The following DIAPH3 variants were observed in gnomAD, a reference collection of about 807,000 sequenced individuals.
DIAPH3 encodes the protein diaphanous related formin 3, also known as protein diaphanous homolog 3.
A neutral mutation model predicts 144.3 loss-of-function variants in DIAPH3; 117 were observed. The observed-to-expected ratio is 0.81, with a 90% CI of 0.70 to 0.95. The LOEUF (loss-of-function observed/expected upper bound fraction) is 0.95. DIAPH3 is among the 40% of genes least tolerant of loss of function. DIAPH3 has a pLI of 0.00. For missense variants in DIAPH3, 1,421 were observed against 1,412.7 expected, an observed-to-expected ratio of 1.01 and a Z score of -0.09; for synonymous variants, 519 against 488.9, an observed-to-expected ratio of 1.06 and a Z score of -0.81.
At chr13:59,714,633 A>G (rs545813139) in intron 27 of DIAPH3, among the ~76,000 whole-genome samples, 7 of 152,272 alleles carry the variant, frequency 4.6e-5, no homozygotes, top group African/African-American at 1.4e-4. Context: ...CTCTAATAAG[A>G]TGCCACATCC....
chr13:59,853,341 T>A lies in DIAPH3; in HGVS notation c.2737+8066A>T, dbSNP rs139593150. Among the ~76,000 whole-genome samples the A allele has an allele frequency of 4.6e-5, 7 of 152,344 alleles. No individual in the cohort carries two copies. The East Asian group carries it at 1.3e-3, about 29-fold the overall frequency. On this transcript the variant is annotated intron_variant, in intron 22 of 27. Transcript: ENST00000400324. Reference sequence around the variant, plus strand: ...CACAGGCTGATATGGTTTGGATTTGTGTCCCCTCCCAAATCTCACGTTGAA... The same window carrying A: ...CACAGGCTGATATGGTTTGGATTTGAGTCCCCTCCCAAATCTCACGTTGAA...
intron 24 of DIAPH3, among the ~76,000 whole-genome samples, chr13:59,825,169 T>C (rs911274043): frequency 6.6e-6 from 1 of 152,056 alleles, no homozygotes; most frequent in African/African-American, 2.4e-5. Flanking sequence ...GTATATCTCC[T>C]AATGCTATCC....
At chr13:60,107,678 T>C (rs1441261975) in intron 3 of DIAPH3, among the ~76,000 whole-genome samples, 2 of 152,180 alleles carry the variant, frequency 1.3e-5, no homozygotes, top group East Asian at 3.8e-4. Flanking sequence ...ATGTGCTTTC[T>C]CCTACATTAC....
chr13:60,052,922 C>G (rs2141253366), intron 4 of DIAPH3, among the ~76,000 whole-genome samples: 1 of 126,522 alleles, frequency 7.9e-6, no homozygotes, highest in South Asian at 2.7e-4. Flanking sequence ...GATCGCGCCA[C>G]TGCACTCCAG....
At chr13:59,973,806 G>T (rs779655972) in intron 15 of DIAPH3, among the ~76,000 whole-genome samples, 1 of 152,074 alleles carries the variant, frequency 6.6e-6, no homozygotes, top group Non-Finnish European at 1.5e-5. Context: ...TGCAGATGAC[G>T]TATTTCTTGC....
intron 3 of DIAPH3, among the ~76,000 whole-genome samples, chr13:60,104,169 C>T (rs2058347634): frequency 6.6e-6 from 1 of 152,060 alleles, no homozygotes; most frequent in South Asian, 2.1e-4. Flanking sequence ...TTCAAGATGT[C>T]TATAAATACA....
At chr13:59,993,809 A>G (rs925825799) in intron 9 of DIAPH3, among the ~76,000 whole-genome samples, 1 of 149,062 alleles carries the variant, frequency 6.7e-6, no homozygotes, top group African/African-American at 2.5e-5. Flanking sequence ...TTTTCCTTCC[A>G]CCCCCTTGCC....
chr13:60,003,649 C>CT (rs1345453539), intron 9 of DIAPH3, among the ~76,000 whole-genome samples: 1 of 151,912 alleles, frequency 6.6e-6, no homozygotes, highest in East Asian at 1.9e-4. Flanking sequence ...TCTCGGCTCA[C>CT]TGCAAGCACC....
intron 20 of DIAPH3, among the ~76,000 whole-genome samples, chr13:59,887,608 CTTATT>C (rs1255573717): frequency 6.6e-6 from 1 of 152,020 alleles, no homozygotes; most frequent in Non-Finnish European, 1.5e-5. Flanking sequence ...ATTACTGAGG[CTTATT>C]TTATATTCCC....
chr13:59,800,183 T>C lies in DIAPH3; in HGVS notation c.3163+10605A>G, dbSNP rs376429472. On this transcript the variant is annotated intron_variant, in intron 25 of 27. Coordinates refer to ENST00000400324, the MANE Select transcript of DIAPH3 (RefSeq NM_001042517.2). ...AAACCCTCATTACTCATTAGTTAAG[T>C]TGTAATATATTCAGATGGAAAATTT... Among the ~76,000 whole-genome samples, 478 of 152,340 alleles carry C rather than the reference T, an allele frequency of 3.1e-3. 2 individuals carry two copies. The highest frequency in any genetic ancestry group is 0.03 in the South Asian group (143 of 4,830).
chr13:59,964,678 C>T (rs1187904007), intron 17 of DIAPH3, among the ~76,000 whole-genome samples: 1 of 152,100 alleles, frequency 6.6e-6, no homozygotes, highest in Non-Finnish European at 1.5e-5. Context: ...TTCTTCCGCA[C>T]CCCAACAGAG....
chr13:60,042,719 G>A lies in DIAPH3; in HGVS notation c.597C>T (p.Leu199=), dbSNP rs746384201. The A allele has an allele frequency of 4.3e-6, 7 of 1,613,666 alleles. No individual in the cohort carries two copies. The South Asian group carries it at 7.7e-5, about 18-fold the overall frequency. Residue 199 remains leucine, a synonymous_variant, in exon 5 of 28, where the codon CTC becomes CTT. Transcript: ENST00000400324. ...DERLVTCLES[L]RVSLTSNPVS... is the part of the protein sequence containing the mutation. The stretch of plus-strand genomic sequence containing the variant: ...CAGGATTGCTGGTCAAAGACACTCG[G>A]AGAGACTCCAGGCATGTGACAAGTC...
chr13:60,031,241 G>T (rs146121681), intron 5 of DIAPH3, among the ~76,000 whole-genome samples: 1 of 152,024 alleles, frequency 6.6e-6, no homozygotes, highest in Non-Finnish European at 1.5e-5. Context: ...GGGGTGGGGA[G>T]GCAAACTTGT....
In DIAPH3 at chr13:59,810,724, A is replaced by T; in HGVS notation, c.3163+64T>A. The T allele has an allele frequency of 2.6e-6, 4 of 1,549,048 alleles. No homozygotes were observed. In the Admixed American group the frequency reaches 7.1e-5, roughly 27 times the overall value. ...TTTTCACTAAGTTCATTAATATACTAATAAAGCAGCCCATATAAATCTTAA... is the reference window on the plus strand; with the variant it reads ...TTTTCACTAAGTTCATTAATATACTTATAAAGCAGCCCATATAAATCTTAA... On this transcript the variant is annotated intron_variant, in intron 25 of 27. Coordinates refer to ENST00000400324, the MANE Select transcript of DIAPH3 (RefSeq NM_001042517.2).
At chr13:59,994,943 A>G (rs574986383) in intron 9 of DIAPH3, among the ~76,000 whole-genome samples, 8 of 151,874 alleles carry the variant, frequency 5.3e-5, no homozygotes, top group Non-Finnish European at 8.8e-5. Context: ...ATTCAAGTTC[A>G]GAAGCTGTTG....
At chr13:59,716,428 G>C (rs957735693) in intron 27 of DIAPH3, among the ~76,000 whole-genome samples, 1 of 152,078 alleles carries the variant, frequency 6.6e-6, no homozygotes, top group Admixed American at 6.5e-5. Context: ...GCCCGCCTTT[G>C]CCTCCCAAAG....
intron 5 of DIAPH3, among the ~76,000 whole-genome samples, chr13:60,021,941 T>G (rs751723063): frequency 2.6e-5 from 4 of 152,176 alleles, no homozygotes; most frequent in Non-Finnish European, 5.9e-5. Flanking sequence ...TTTAACTCCT[T>G]TCATCGTTAT....
At chr13:59,855,955 G>C (rs2043230614) in intron 22 of DIAPH3, among the ~76,000 whole-genome samples, 1 of 151,296 alleles carries the variant, frequency 6.6e-6, no homozygotes, top group Admixed American at 6.6e-5. Flanking sequence ...ACAAAAACTT[G>C]GTATAGTATG....
chr13:60,016,487 C>T (rs901140036), intron 5 of DIAPH3, among the ~76,000 whole-genome samples: 2 of 152,178 alleles, frequency 1.3e-5, no homozygotes, highest in African/African-American at 2.4e-5. Flanking sequence ...GAGCCTCCCC[C>T]ACCCACGCAC....
Sources: gnomAD v4.1 joint callset for allele counts (sites outside exome capture counted in the v4.1 genomes callset) on GRCh38, gnomAD v4.1.1 for gene constraint, MANE v1.5 for transcripts, NCBI Gene and HGNC (gene_info 2026-07-23, HGNC 2026-07-21) for gene names.